The following MEOX2 variants were observed in gnomAD, a reference collection of about 807,000 sequenced individuals.
The protein encoded by MEOX2 is homeobox protein MOX-2.
In MEOX2, 11 loss-of-function variants were observed where a neutral mutation model predicts 27.0. The observed-to-expected ratio is 0.41, with a 90% CI of 0.26 to 0.68. The LOEUF is 0.68. Among genes scored for constraint, MEOX2 ranks in the 30% least tolerant of loss-of-function variants. The pLI, the probability that MEOX2 is intolerant of heterozygous loss-of-function variation, is 0.33. For missense variants in MEOX2, 436 were observed against 385.4 expected, an observed-to-expected ratio of 1.13 and a Z score of -1.10; for synonymous variants, 189 against 155.4, an observed-to-expected ratio of 1.22 and a Z score of -1.61.
intron 1 of MEOX2, among the ~76,000 whole-genome samples, chr7:15,632,155 G>A (rs1781415114): frequency 6.6e-6 from 1 of 151,644 alleles, no homozygotes; most frequent in South Asian, 2.1e-4. Context: ...TTGCATTGCT[G>A]GAATAAACTG....
chr7:15,644,529 A>T (rs920466125), intron 1 of MEOX2, among the ~76,000 whole-genome samples: 1 of 152,180 alleles, frequency 6.6e-6, no homozygotes, highest in Non-Finnish European at 1.5e-5. Flanking sequence ...GAAAAGGTGA[A>T]TCTGCTCCTG....
intron 1 of MEOX2, among the ~76,000 whole-genome samples, chr7:15,649,802 A>G (rs753219691): frequency 2.0e-5 from 3 of 152,110 alleles, no homozygotes; most frequent in African/African-American, 4.8e-5. Context: ...CAATGGTATC[A>G]TGGGGCTGAG....
rs377203969 is a variant in MEOX2 at position 15,621,563 on chromosome 7, T to C, written c.690+5183A>G. On this transcript the variant is annotated intron_variant, in intron 2 of 2. Transcript: ENST00000262041. The stretch of plus-strand genomic sequence containing the variant: ...TCAAGTCCTGAGTGATATTTAAGGA[T>C]TTAATATACCTTATGTTTTTCTAAA... 1.2e-4 allele frequency among the ~76,000 whole-genome samples: 19 copies of C among 152,334 alleles called. No homozygotes were observed. The South Asian group carries it at 1.9e-3, about 15-fold the overall frequency.
At chr7:15,668,271 G>T (rs1011499053) in intron 1 of MEOX2, 1 of 152,180 alleles carries the variant, frequency 6.6e-6, no homozygotes, top group Non-Finnish European at 1.5e-5. Context: ...AGCCCTTGAT[G>T]ATGATCCACT....
intron 2 of MEOX2, among the ~76,000 whole-genome samples, chr7:15,618,669 T>C (rs1280248805): frequency 6.6e-6 from 1 of 151,920 alleles, no homozygotes; most frequent in Non-Finnish European, 1.5e-5. Context: ...AATCTAAATT[T>C]ATATTCTGAT....
intron 1 of MEOX2, chr7:15,680,980 A>T (rs1225234177): frequency 6.6e-6 from 1 of 151,732 alleles, no homozygotes; most frequent in Non-Finnish European, 1.5e-5. Flanking sequence ...CAAGGGGGGA[A>T]ATGCTTATAT....
At chr7:15,642,273 C>T (rs1194102597) in intron 1 of MEOX2, among the ~76,000 whole-genome samples, 2 of 152,120 alleles carry the variant, frequency 1.3e-5, no homozygotes, top group African/African-American at 2.4e-5. Flanking sequence ...GTTTGCATCA[C>T]ATAATCCCAT....
intron 1 of MEOX2, among the ~76,000 whole-genome samples, chr7:15,666,105 G>T (rs983888030): frequency 4.3e-4 from 66 of 152,116 alleles, no homozygotes; most frequent in African/African-American, 1.6e-3. Flanking sequence ...AATAAAGGAA[G>T]AAATGCCAAG....
At chr7:15,637,563 A>C (rs185198524) in intron 1 of MEOX2, among the ~76,000 whole-genome samples, 1 of 152,064 alleles carries the variant, frequency 6.6e-6, no homozygotes, top group East Asian at 1.9e-4. Context: ...CACATAAAAC[A>C]TACCATCTGC....
At chr7:15,665,903 T>C (rs533185157) in intron 1 of MEOX2, among the ~76,000 whole-genome samples, 1 of 152,178 alleles carries the variant, frequency 6.6e-6, no homozygotes, top group Non-Finnish European at 1.5e-5. Flanking sequence ...AGATACTCAA[T>C]GGGATGCTAT....
intron 1 of MEOX2, among the ~76,000 whole-genome samples, chr7:15,648,236 G>A (rs1034891689): frequency 1.3e-5 from 2 of 152,094 alleles, no homozygotes; most frequent in African/African-American, 2.4e-5. Flanking sequence ...AATATTTACA[G>A]ATAAAACACA....
At position 15,685,919 on chromosome 7, in the gene MEOX2, G is replaced by C. The variant is rs752755220; in HGVS notation, c.484C>G (p.Arg162Gly). 6.2e-7 allele frequency: 1 copy of C among 1,608,440 alleles called. No homozygotes were observed. Among genetic ancestry groups the C allele is most frequent in the South Asian group, 1.1e-5 (1 of 90,752 alleles). The change falls in exon 1 of 3, where the codon CGA (arginine) becomes GGA (glycine). Residue 162 changes from arginine to glycine, a missense_variant. Arg to Gly is a moderately radical substitution (Grantham distance 125). Transcript: ENST00000262041. ...TCGCTTTTCCTCTTGCCGCCGCTTC[G>C]CTTCTCCGCCTCCGCAGGTGACAGT... ...QALSPAEAEK[R>G]SGGKRKSDSS...
At chr7:15,640,554 T>C (rs1292608469) in intron 1 of MEOX2, among the ~76,000 whole-genome samples, 1 of 152,066 alleles carries the variant, frequency 6.6e-6, no homozygotes, top group Non-Finnish European at 1.5e-5. Flanking sequence ...TTCAGTACTA[T>C]GTTGAATGTT....
Position 15,678,488 on chromosome 7 carries a change from A to T in MEOX2, c.517+7398T>A, listed in dbSNP as rs1193972867. Among the ~76,000 whole-genome samples the T allele has an allele frequency of 2.0e-5, 3 of 152,162 alleles. No individual in the cohort carries two copies. The South Asian group carries it at 6.2e-4, about 31-fold the overall frequency. ...CCAACATAAATCAATGATTTGCAAA[A>T]TTTGCTTTGCATTCATTGTTAATTT... On this transcript the variant is annotated intron_variant, in intron 1 of 2. Coordinates refer to ENST00000262041, the MANE Select transcript of MEOX2 (RefSeq NM_005924.5).
Position 15,686,144 on chromosome 7 carries a change from C to G in MEOX2, c.259G>C (p.Ala87Pro), listed in dbSNP as rs893377581. 1.5e-5 allele frequency: 23 copies of G among 1,579,084 alleles called. No individual in the cohort carries two copies. Among genetic ancestry groups the G allele is most frequent in the Non-Finnish European group, 2.0e-5 (23 of 1,164,982 alleles). The change falls in exon 1 of 3, where the codon GCT becomes CCT. Residue 87 changes from alanine to proline, a missense_variant. Physicochemically the swap from Ala to Pro is conservative, Grantham distance 27. Transcript: ENST00000262041. ...HHHHQQQQHQ[A>P]LQTNWHLPQM... Reference sequence around the variant, plus strand: ...GGGAGGTGCCAGTTGGTTTGCAGAGCCTGGTGCTGCTGCTGCTGATGGTGG... The same window carrying G: ...GGGAGGTGCCAGTTGGTTTGCAGAGGCTGGTGCTGCTGCTGCTGATGGTGG...
intron 1 of MEOX2, among the ~76,000 whole-genome samples, chr7:15,660,053 G>C (rs1781887393): frequency 6.6e-6 from 1 of 152,164 alleles, no homozygotes; most frequent in Non-Finnish European, 1.5e-5. Flanking sequence ...GAGAGGAAAA[G>C]TGAACACCTT....
intron 1 of MEOX2, among the ~76,000 whole-genome samples, chr7:15,660,233 T>C (rs544255636): frequency 1.8e-4 from 28 of 152,150 alleles, no homozygotes; most frequent in Admixed American, 7.2e-4. Context: ...CTATGGAAAA[T>C]CATACTCTTC....
At chr7:15,673,181 C>T (rs985223497) in intron 1 of MEOX2, among the ~76,000 whole-genome samples, 4 of 152,156 alleles carry the variant, frequency 2.6e-5, no homozygotes, top group Non-Finnish European at 5.9e-5. Context: ...AAAGAAAACA[C>T]TAATTTTTCC....
intron 1 of MEOX2, among the ~76,000 whole-genome samples, chr7:15,631,421 T>G (rs2115363849): frequency 6.6e-6 from 1 of 152,084 alleles, no homozygotes; most frequent in African/African-American, 2.4e-5. Context: ...TTATTATATT[T>G]ATGTAGCCAA....
Sources: allele counts gnomAD v4.1 joint callset (sites outside exome capture counted in the v4.1 genomes callset), GRCh38; gene constraint gnomAD v4.1.1; transcripts MANE v1.5; gene names NCBI Gene and HGNC (gene_info 2026-07-23, HGNC 2026-07-21).